The following UBE4B variants were observed in gnomAD, a reference collection of about 807,000 sequenced individuals.
UBE4B encodes ubiquitination factor E4B, also known as ubiquitin conjugation factor E4 B.
UBE4B carries 27 observed loss-of-function variants against 148.1 expected under a neutral mutation model. The observed-to-expected ratio is 0.18, with a 90% CI of 0.13 to 0.25. The LOEUF (loss-of-function observed/expected upper bound fraction) is 0.25, where lower values mean the gene tolerates loss of function less well. Among genes scored for constraint, UBE4B ranks in the 10% least tolerant of loss-of-function variants. The pLI, the probability that UBE4B is intolerant of heterozygous loss-of-function variation, is 1.00. For synonymous variants in UBE4B, 596 were observed against 619.3 expected, an observed-to-expected ratio of 0.96 and a Z score of 0.56; for missense variants, 1,170 against 1,662.4, an observed-to-expected ratio of 0.70 and a Z score of 5.15.
chr1:10,147,965 C>CGCCTATAATCCCAGCACTT (rs1645901928), intron 19 of UBE4B, among the ~76,000 whole-genome samples: 2 of 152,148 alleles, frequency 1.3e-5, no homozygotes, highest in Admixed American at 6.5e-5. Flanking sequence ...CGGTGGCTCA[C>CGCCTATAATCCCAGCACTT]GCCTATAATC....
At chr1:10,143,842 A>G (rs1645822951) in intron 17 of UBE4B, among the ~76,000 whole-genome samples, 1 of 152,236 alleles carries the variant, frequency 6.6e-6, no homozygotes, top group Admixed American at 6.5e-5. Flanking sequence ...CTGACAGCAC[A>G]GCCTCTGCCA....
intron 10 of UBE4B, 75 bp from the exon 11 acceptor site, chr1:10,126,719 G>C: frequency 2.3e-6 from 3 of 1,287,170 alleles, no homozygotes; most frequent in Non-Finnish European, 2.2e-6. Context: ...TTCAGTTCTA[G>C]CACCTTATTT....
intron 1 of UBE4B, among the ~76,000 whole-genome samples, chr1:10,044,456 T>TGGG (rs568037430): frequency 9.9e-5 from 15 of 152,274 alleles, no homozygotes; most frequent in Admixed American, 9.2e-4. Context: ...ACTTTTTCCA[T>TGGG]GGGTGGTGGT....
intron 1 of UBE4B, among the ~76,000 whole-genome samples, chr1:10,051,065 G>A (rs900664932): frequency 6.6e-6 from 1 of 152,082 alleles, no homozygotes; most frequent in Non-Finnish European, 1.5e-5. Context: ...GGAGTGCAGT[G>A]GCATTATCAT....
rs1331766427 is a variant in UBE4B, at chr1:10,166,967, AC to A, written c.3199-1168del. On this transcript the variant is annotated intron_variant, in intron 23 of 27. Coordinates refer to ENST00000343090, the MANE Select transcript of UBE4B (RefSeq NM_001105562.3). ...CACACACACACACACACACACACAC[AC>A]ACAAAAAAAAAAAATTAGCTGGGCA... Among the ~76,000 whole-genome samples, 562 of 134,296 alleles carry A rather than the reference AC, an allele frequency of 4.2e-3. 6 individuals carry two copies. Among genetic ancestry groups the A allele is most frequent in the African/African-American group, 0.016 (520 of 32,154 alleles). The allele number at this position is 134,296 out of a possible 152,430, so 88.1% of individuals were successfully genotyped here.
intron 19 of UBE4B, among the ~76,000 whole-genome samples, chr1:10,148,169 G>A (rs960612235): frequency 1.3e-5 from 2 of 151,492 alleles, no homozygotes; most frequent in African/African-American, 4.9e-5. Context: ...GGAGCTTCCG[G>A]TGAGCGGAGA....
chr1:10,069,091 C>T (rs1644440819), intron 1 of UBE4B, among the ~76,000 whole-genome samples: 1 of 152,136 alleles, frequency 6.6e-6, no homozygotes, highest in African/African-American at 2.4e-5. Context: ...TTTCTTCAAC[C>T]GCATATTATA....
In UBE4B at chr1:10,041,392, T is replaced by C. The variant is rs536603953; in HGVS notation, c.24+7698T>C. On this transcript the variant is annotated intron_variant, in intron 1 of 27. Coordinates refer to ENST00000343090, the MANE Select transcript of UBE4B (RefSeq NM_001105562.3). ...TCTCGTCACTCAGGCTTGAGTGCAA[T>C]GGCCTGATCTCGGCTCACTGCAACC... Among the ~76,000 whole-genome samples the C allele has an allele frequency of 5.3e-5, 8 of 150,226 alleles. No individual in the cohort carries two copies. The East Asian group carries it at 1.6e-3, about 29-fold the overall frequency.
intron 2 of UBE4B, among the ~76,000 whole-genome samples, chr1:10,092,689 A>G (rs1432998717): frequency 1.3e-5 from 2 of 152,076 alleles, no homozygotes; most frequent in African/African-American, 4.8e-5. Flanking sequence ...TTAGCTGGGC[A>G]TGGTGGCGCA....
intron 21 of UBE4B, among the ~76,000 whole-genome samples, chr1:10,156,173 A>G (rs941776193): frequency 6.6e-6 from 1 of 151,178 alleles, no homozygotes; most frequent in Non-Finnish European, 1.5e-5. Context: ...AGGGAACAGT[A>G]GAAGTGAATA....
In UBE4B at chr1:10,151,550, A is replaced by G. The variant is rs1192091400; in HGVS notation, c.2915A>G (p.Lys972Arg). 6.2e-7 allele frequency: 1 copy of G among 1,613,750 alleles called. No homozygotes were observed. Among genetic ancestry groups the G allele is most frequent in the South Asian group, 1.1e-5 (1 of 91,056 alleles). The change falls in exon 21 of 28, where the codon AAG (lysine) becomes AGG (arginine). Residue 972 changes from lysine (K) to arginine (R), a missense_variant. Coordinates refer to ENST00000343090, the MANE Select transcript of UBE4B (RefSeq NM_001105562.3). ...AAGTTGTTGGTACCTTCCCTGATGAAGTTTTATACAGGTAGGTTGCTGGAA... is the reference window on the plus strand; with the variant it reads ...AAGTTGTTGGTACCTTCCCTGATGAGGTTTTATACAGGTAGGTTGCTGGAA... ...STKLLVPSLMKFYTDVEHTGA... is the reference protein window; with the variant it reads ...STKLLVPSLMRFYTDVEHTGA...
At position 10,161,193 on chromosome 1, in the gene UBE4B, G is replaced by A. The variant is rs567714325; in HGVS notation, c.3105G>A (p.Thr1035=). Residue 1035 remains threonine (T), a synonymous_variant, in exon 23 of 28, where the codon ACG becomes ACA. Transcript: ENST00000343090. This position sits in a 1 kb window ranked among gnomAD's most constrained non-coding sequence, Gnocchi z 4.1. ...TAAACATGTTGATAAACGACACGAC[G>A]TTTTTGCTCGATGAAAGTCTGGAGT... is the stretch of plus-strand genomic sequence containing the variant. ...RYINMLINDT[T]FLLDESLESL... 6 of 1,614,140 alleles carry A rather than the reference G, an allele frequency of 3.7e-6. No homozygotes were observed. Among genetic ancestry groups the A allele is most frequent in the Admixed American group, 1.7e-5 (1 of 60,010 alleles).
At chr1:10,038,304 A>G (rs1378265543) in intron 1 of UBE4B, among the ~76,000 whole-genome samples, 2 of 152,148 alleles carry the variant, frequency 1.3e-5, no homozygotes, top group East Asian at 3.9e-4. Flanking sequence ...AAAGATTTAG[A>G]AAGTGTTTTA....
rs1645579104 is a variant in UBE4B, at chr1:10,130,700, T to G, written c.1813-15T>G. The stretch of plus-strand genomic sequence containing the variant: ...TGCATTATATGTTGACTGCATTTTT[T>G]CCTTCTCTTTCCAGGTTAAAGTGGT... On this transcript the variant is annotated splice_polypyrimidine_tract_variant and intron_variant, in intron 13 of 27. Transcript: ENST00000343090. 3.1e-6 allele frequency: 5 copies of G among 1,613,928 alleles called. No individual in the cohort carries two copies. Among genetic ancestry groups the G allele is most frequent in the Non-Finnish European group, 4.2e-6 (5 of 1,179,768 alleles).
intron 25 of UBE4B, 151 bp downstream of exon 25, chr1:10,171,480 T>C (rs1571029686): frequency 1.1e-6 from 1 of 951,078 alleles, no homozygotes; most frequent in Non-Finnish European, 1.5e-6. Context: ...GCGCGGTGGC[T>C]CAGGCCTGTA....
At position 10,101,208 on chromosome 1, in the gene UBE4B, T is replaced by C. The variant is rs767755258; in HGVS notation, c.435+13T>C. 6.2e-7 allele frequency: 1 copy of C among 1,612,850 alleles called. No homozygotes were observed. The highest frequency in any genetic ancestry group is 8.5e-7 in the Non-Finnish European group (1 of 1,178,828). On this transcript the variant is annotated intron_variant, in intron 4 of 27. Coordinates refer to ENST00000343090, the MANE Select transcript of UBE4B (RefSeq NM_001105562.3). ...CCTCAGTGATAAGGTTGGTAAGCGA[T>C]GAAGCCCTTGGTACAGGTAATAGAA...
intron 17 of UBE4B, among the ~76,000 whole-genome samples, chr1:10,142,627 C>T (rs916899858): frequency 1.3e-5 from 2 of 151,760 alleles, no homozygotes; most frequent in African/African-American, 2.4e-5. Context: ...GCTGAGATTG[C>T]GCCACTGCAC....
chr1:10,148,755 C>G (rs1356060669), intron 19 of UBE4B, among the ~76,000 whole-genome samples: 1 of 151,696 alleles, frequency 6.6e-6, no homozygotes, highest in Admixed American at 6.6e-5. Flanking sequence ...GCCTGGCCAA[C>G]ATGGTGAAAC....
At position 10,167,868 on chromosome 1, in the gene UBE4B, C is replaced by T. The variant is rs562477127; in HGVS notation, c.3199-268C>T. Among the ~76,000 whole-genome samples, 6 of 152,212 alleles carry T rather than the reference C, an allele frequency of 3.9e-5. No homozygotes were observed. The East Asian group carries it at 5.8e-4, about 15-fold the overall frequency. Reference sequence around the variant, plus strand: ...CTTCGCAAAGTGCTGGGATTACACGCGTGAGCCACCACGCCCGGCAGATGG... The same window carrying T: ...CTTCGCAAAGTGCTGGGATTACACGTGTGAGCCACCACGCCCGGCAGATGG... On this transcript the variant is annotated intron_variant, in intron 23 of 27. Coordinates refer to ENST00000343090, the MANE Select transcript of UBE4B (RefSeq NM_001105562.3).
Sources: allele counts gnomAD v4.1 joint callset (sites outside exome capture counted in the v4.1 genomes callset), GRCh38; gene constraint gnomAD v4.1.1; non-coding constraint Gnocchi (gnomAD v3.1); transcripts MANE v1.5; gene names NCBI Gene and HGNC (gene_info 2026-07-23, HGNC 2026-07-21).